The following ADAMTS12 variants were observed in gnomAD, a reference collection of about 807,000 sequenced individuals.
ADAMTS12 encodes the protein ADAM metallopeptidase with thrombospondin type 1 motif 12, also known as A disintegrin and metalloproteinase with thrombospondin motifs 12.
ADAMTS12 carries 118 observed loss-of-function variants against 167.8 expected under a neutral mutation model. The observed-to-expected ratio is 0.70, with a 90% CI of 0.61 to 0.82. ADAMTS12 has a LOEUF of 0.82. Among genes scored for constraint, ADAMTS12 ranks in the 40% least tolerant of loss-of-function variants. ADAMTS12 has a pLI of 0.00. For missense variants in ADAMTS12, 1,916 were observed against 1,998.8 expected (o/e 0.96, Z 0.79); for synonymous variants, 704 against 716.9 (o/e 0.98, Z 0.29).
At chr5:33,866,543 A>G (rs1749829780) in intron 2 of ADAMTS12, among the ~76,000 whole-genome samples, 1 of 152,130 alleles carries the variant, frequency 6.6e-6, no homozygotes, top group South Asian at 2.1e-4. Context: ...TATGCAAAAT[A>G]TTTATGACTA....
At chr5:33,832,318 C>G (rs1189650366) in intron 2 of ADAMTS12, among the ~76,000 whole-genome samples, 1 of 152,142 alleles carries the variant, frequency 6.6e-6, no homozygotes, top group African/African-American at 2.4e-5. Flanking sequence ...TCAGTTTCCT[C>G]ATTTGTACTG....
chr5:33,523,940 GAGA>G lies in ADAMTS12; in HGVS notation c.*3245_*3247del, dbSNP rs1236709255. On this transcript the variant is annotated 3_prime_UTR_variant, in exon 24 of 24. Transcript: ENST00000504830. ...AAAGATTCATCTTGAAGTCAGAAAG[GAGA>G]AGAGCTAAGACCTGCACTCTCTGGA... is the stretch of plus-strand genomic sequence containing the variant. 3.3e-5 allele frequency: 5 copies of G among 152,204 alleles called. No homozygotes were observed. The East Asian group carries it at 9.6e-4, about 29-fold the overall frequency. 9.4% of individuals were successfully genotyped at this position (152,204 alleles called of 1,614,324 possible).
chr5:33,577,248 T>G (rs530992437), intron 18 of ADAMTS12, 88 bp from the exon 19 acceptor site: 9 of 1,573,264 alleles, frequency 5.7e-6, no homozygotes, highest in Non-Finnish European at 7.8e-6. Flanking sequence ...ACAGGCCTGA[T>G]GGAAACTAAA....
intron 1 of ADAMTS12, among the ~76,000 whole-genome samples, chr5:33,887,342 T>C (rs1349450648): frequency 1.3e-5 from 2 of 152,044 alleles, no homozygotes; most frequent in African/African-American, 2.4e-5. Context: ...GGGATGAGGA[T>C]TTTTTCCTGG....
At chr5:33,828,943 G>C (rs1748196566) in intron 2 of ADAMTS12, among the ~76,000 whole-genome samples, 1 of 152,062 alleles carries the variant, frequency 6.6e-6, no homozygotes, top group Non-Finnish European at 1.5e-5. Flanking sequence ...ATTGAAAACT[G>C]GAATCCCTCT....
In ADAMTS12 at chr5:33,561,013, G is replaced by A; in HGVS notation, c.4125+14C>T. ...TTCTCTACCTCCAAGACTCTGCCAAGCCTGATAAGTTACCTTGCTCCAGTT... is the reference window on the plus strand; with the variant it reads ...TTCTCTACCTCCAAGACTCTGCCAAACCTGATAAGTTACCTTGCTCCAGTT... On this transcript the variant is annotated intron_variant, in intron 20 of 23. Coordinates refer to ENST00000504830, the MANE Select transcript of ADAMTS12 (RefSeq NM_030955.4). 1 of 1,613,454 alleles carries A rather than the reference G, an allele frequency of 6.2e-7. No individual in the cohort carries two copies. Among genetic ancestry groups the A allele is most frequent in the Non-Finnish European group, 8.5e-7 (1 of 1,179,878 alleles).
chr5:33,628,053 C>G (rs1739743797), intron 13 of ADAMTS12, among the ~76,000 whole-genome samples: 1 of 152,114 alleles, frequency 6.6e-6, no homozygotes, highest in South Asian at 2.1e-4. Context: ...TTATCCAGAA[C>G]TGGTGTAACA....
intron 2 of ADAMTS12, among the ~76,000 whole-genome samples, chr5:33,836,521 C>T (rs1748532786): frequency 6.6e-6 from 1 of 152,180 alleles, no homozygotes; most frequent in Non-Finnish European, 1.5e-5. Flanking sequence ...GTGGACAGGA[C>T]AAGAACTCTG....
At chr5:33,869,935 T>G (rs998182273) in intron 2 of ADAMTS12, among the ~76,000 whole-genome samples, 1 of 152,170 alleles carries the variant, frequency 6.6e-6, no homozygotes, top group Admixed American at 6.5e-5. Flanking sequence ...ACTCATAGAG[T>G]GGCCATTTTA....
At chr5:33,843,153 C>T (rs1867720) in intron 2 of ADAMTS12, among the ~76,000 whole-genome samples, 11,306 of 152,102 alleles carry the variant, frequency 0.074, 1,032 homozygotes, top group African/African-American at 0.2. Context: ...AGGGTTGGAA[C>T]GAGAGGAGAG....
intron 20 of ADAMTS12, 35 bp downstream of exon 20, chr5:33,560,992 C>T (rs763973212): frequency 1.9e-6 from 3 of 1,609,148 alleles, no homozygotes; most frequent in Non-Finnish European, 2.5e-6. Flanking sequence ...CCCACCTTCT[C>T]TACCTCCAAG....
intron 2 of ADAMTS12, among the ~76,000 whole-genome samples, chr5:33,773,998 G>C (rs1745830660): frequency 6.6e-6 from 1 of 152,130 alleles, no homozygotes; most frequent in African/African-American, 2.4e-5. Context: ...TCCACTACTG[G>C]GGGTGTGGCC....
intron 14 of ADAMTS12, among the ~76,000 whole-genome samples, chr5:33,622,547 G>C (rs529407655): frequency 6.6e-6 from 1 of 152,122 alleles, no homozygotes; most frequent in Non-Finnish European, 1.5e-5. Context: ...CCAGCTACTC[G>C]GGAGGCTGAG....
chr5:33,751,625 A>C, intron 2 of ADAMTS12, 77 bp from the exon 3 acceptor site: 1 of 1,435,070 alleles, frequency 7.0e-7, no homozygotes, highest in Non-Finnish European at 9.6e-7. Flanking sequence ...AAAATTATAT[A>C]GCTTATGAGT....
rs191275337 is a variant in ADAMTS12 at position 33,679,875 on chromosome 5, T to C, written c.915+3143A>G. Among the ~76,000 whole-genome samples, 8 of 152,318 alleles carry C rather than the reference T, an allele frequency of 5.3e-5. No homozygotes were observed. In the East Asian group the frequency reaches 1.5e-3, roughly 29 times the overall value. On this transcript the variant is annotated intron_variant, in intron 5 of 23. Transcript: ENST00000504830. Reference sequence around the variant, plus strand: ...AGCAATGATGTAACTTCCTTAGAGTTGCTGAACTCAGGTCAACTTGCTCAA... The same window carrying C: ...AGCAATGATGTAACTTCCTTAGAGTCGCTGAACTCAGGTCAACTTGCTCAA...
intron 3 of ADAMTS12, among the ~76,000 whole-genome samples, chr5:33,736,088 G>A (rs1368990741): frequency 1.3e-5 from 2 of 149,030 alleles, no homozygotes; most frequent in South Asian, 2.1e-4. Flanking sequence ...TTGACACAGA[G>A]TCTCACTCTT....
intron 18 of ADAMTS12, among the ~76,000 whole-genome samples, chr5:33,586,815 T>G (rs1396403219): frequency 6.6e-6 from 1 of 152,166 alleles, no homozygotes; most frequent in African/African-American, 2.4e-5. Context: ...GCCAACCAAA[T>G]GCCGTGATTA....
chr5:33,773,072 G>A (rs745936920), intron 2 of ADAMTS12, among the ~76,000 whole-genome samples: 4 of 152,214 alleles, frequency 2.6e-5, no homozygotes, highest in Non-Finnish European at 4.4e-5. Flanking sequence ...GAAGGTGCAA[G>A]GCATAAATAA....
chr5:33,619,851 C>T (rs902160683), intron 14 of ADAMTS12, among the ~76,000 whole-genome samples: 13 of 152,166 alleles, frequency 8.5e-5, no homozygotes, highest in Non-Finnish European at 1.5e-4. Context: ...CGTGCCACCA[C>T]ACGCAGCTAA....
Sources: allele counts gnomAD v4.1 joint callset (sites outside exome capture counted in the v4.1 genomes callset), GRCh38; gene constraint gnomAD v4.1.1; transcripts MANE v1.5; gene names NCBI Gene and HGNC (gene_info 2026-07-23, HGNC 2026-07-21).